OPRM1: variants seen among roughly 807,000 people sequenced by gnomAD.
OPRM1 encodes opioid receptor mu 1.
A neutral mutation model predicts 31.8 loss-of-function variants in OPRM1; 27 were observed. The observed-to-expected ratio is 0.85, with a 90% confidence interval of 0.63 to 1.17. The LOEUF (loss-of-function observed/expected upper bound fraction) is 1.17. Among genes scored for constraint, OPRM1 ranks in the 50% most tolerant of loss-of-function variants. The pLI is 0.00. For synonymous variants in OPRM1, 196 were observed against 189.9 expected, an observed-to-expected ratio of 1.03 and a Z score of -0.26; for missense variants, 536 against 511.1, an observed-to-expected ratio of 1.05 and a Z score of -0.47.
At chr6:154,099,313 A>AAGGAAGGC (rs1450301441) in intron 3 of OPRM1, among the ~76,000 whole-genome samples, 2 of 113,214 alleles carry the variant, frequency 1.8e-5, no homozygotes, top group Non-Finnish European at 3.9e-5. Context: ...GGAAGAAAGG[A>AAGGAAGGC]AGGAAGGAAG....
upstream of OPRM1, chr6:154,039,126 T>A: frequency 6.5e-7 from 1 of 1,534,280 alleles, no homozygotes. Flanking sequence ...ACTCTATCTC[T>A]CTCCCCAACC....
rs1218757474 is a variant in OPRM1 at position 154,168,118 on chromosome 6, T to G, written c.1164+76646T>G. 1 of 1,524,502 alleles carries G rather than the reference T, an allele frequency of 6.6e-7. No individual in the cohort carries two copies. Among genetic ancestry groups the G allele is most frequent in the South Asian group, 1.3e-5 (1 of 77,668 alleles). 94.4% of individuals were successfully genotyped at this position (1,524,502 alleles called of 1,614,324 possible). On this transcript the variant is annotated intron_variant, in intron 3 of 3. Transcript: ENST00000337049. The surrounding 1 kb of genome is among the most constrained non-coding windows in gnomAD (Gnocchi z 4.1). ...CTTCAGACACTTTTGTCTCTTCTATTTGAAAAAAAAAAAGAAAGCAGTAAC... is the reference window on the plus strand; with the variant it reads ...CTTCAGACACTTTTGTCTCTTCTATGTGAAAAAAAAAAAGAAAGCAGTAAC...
Position 154,123,001 on chromosome 6 carries a change from A to AGG in OPRM1, c.*4282_*4283dup, listed in dbSNP as rs1797385779. Among the ~76,000 whole-genome samples the AGG allele has an allele frequency of 6.6e-6, 1 of 152,178 alleles. No individual in the cohort carries two copies. The highest frequency in any genetic ancestry group is 2.1e-4 in the South Asian group (1 of 4,834). On this transcript the variant is annotated 3_prime_UTR_variant, in exon 4 of 4. Transcript: ENST00000330432. Reference sequence around the variant, plus strand: ...AGAAAATTAAGGAGCATGGACACAAAGGGTGAGGTTGGAGCAAAAGTTTAA... The same window carrying AGG: ...AGAAAATTAAGGAGCATGGACACAAAGGGGGTGAGGTTGGAGCAAAAGTTTAA...
chr6:154,208,002 T>G (rs959480434), intron 3 of OPRM1, among the ~76,000 whole-genome samples: 4 of 152,222 alleles, frequency 2.6e-5, no homozygotes, highest in African/African-American at 4.8e-5. Context: ...TCTTTTGCAA[T>G]AGCTTACTGT....
intron 3 of OPRM1, among the ~76,000 whole-genome samples, chr6:154,177,449 A>G (rs1444523861): frequency 6.6e-6 from 1 of 152,208 alleles, no homozygotes; most frequent in African/African-American, 2.4e-5. Context: ...TAAGAAAAAA[A>G]CAAACAACCC....
intron 3 of OPRM1, among the ~76,000 whole-genome samples, chr6:154,109,245 T>C (rs1300831635): frequency 6.6e-6 from 1 of 152,170 alleles, no homozygotes; most frequent in African/African-American, 2.4e-5. Context: ...CTTAAAGCAA[T>C]GTGAATAGGG....
rs772809716 is a variant in OPRM1 at position 154,160,047 on chromosome 6, G to A, written c.1164+68575G>A. The stretch of plus-strand genomic sequence containing the variant: ...CCAGATCATGTTCTTTACACTGTGT[G>A]AGTAGAAAAAAAGGGGAAGGGGGTA... On this transcript the variant is annotated intron_variant, in intron 3 of 3. Transcript: ENST00000337049. The A allele has an allele frequency of 8.8e-6, 14 of 1,598,514 alleles. No homozygotes were observed. The South Asian group carries it at 1.5e-4, about 17-fold the overall frequency.
At chr6:154,086,369 CA>C (rs1790566374) in intron 1 of OPRM1, 3 of 160,984 alleles carry the variant, frequency 1.9e-5, no homozygotes, top group East Asian at 3.8e-4. Context: ...AAAAATTAAA[CA>C]GCATCATTCC....
Position 154,118,702 on chromosome 6 carries a change from A to T in OPRM1, c.1184A>T (p.Glu395Val). The change falls in exon 4 of 4, where the codon GAA becomes GTA. Residue 395 changes from glutamate (E) to valine (V), a missense_variant. By Grantham distance (121) the Glu-to-Val change is moderately radical. Coordinates refer to ENST00000330432, the MANE Select transcript of OPRM1 (RefSeq NM_000914.5). ...TTTCAGCTAGAAAATCTGGAAGCAG[A>T]AACTGCTCCGTTGCCCTAACAGGGT... Reference protein sequence around the residue: ...TNHQLENLEAETAPLP With the variant: ...TNHQLENLEAVTAPLP The T allele has an allele frequency of 6.2e-7, 1 of 1,613,344 alleles. No individual in the cohort carries two copies. The highest frequency in any genetic ancestry group is 8.5e-7 in the Non-Finnish European group (1 of 1,179,568).
chr6:154,235,999 C>T (rs1195546904), intron 3 of OPRM1, among the ~76,000 whole-genome samples: 1 of 152,090 alleles, frequency 6.6e-6, no homozygotes, highest in Non-Finnish European at 1.5e-5. Context: ...AGCATGGTAG[C>T]GCCTCAAAAA....
chr6:154,163,993 G>A (rs187099693), intron 3 of OPRM1, among the ~76,000 whole-genome samples: 84 of 152,298 alleles, frequency 5.5e-4, no homozygotes, highest in Non-Finnish European at 6.3e-4. Flanking sequence ...TTCTTTCTGA[G>A]TTTTCAATAT....
intron 3 of OPRM1, 185 bp downstream of exon 3, chr6:154,091,657 A>C (rs1345146710): frequency 2.6e-5 from 36 of 1,391,812 alleles, no homozygotes; most frequent in Non-Finnish European, 3.3e-5. Context: ...ATTTGACTGT[A>C]CATATTCATT....
rs117958892 is a variant in OPRM1, at chr6:154,080,554, T to C, written c.291-9272T>C. 1.2e-4 allele frequency among the ~76,000 whole-genome samples: 18 copies of C among 152,338 alleles called. No homozygotes were observed. In the East Asian group the frequency reaches 3.5e-3, roughly 29 times the overall value. Reference sequence around the variant, plus strand: ...TTTCTGACGTAGCCTGCAAAGTGCATTCCTATCTTTCCTCCCTGTCTCGCT... The same window carrying C: ...TTTCTGACGTAGCCTGCAAAGTGCACTCCTATCTTTCCTCCCTGTCTCGCT... On this transcript the variant is annotated intron_variant, in intron 1 of 3. Coordinates refer to ENST00000330432, the MANE Select transcript of OPRM1 (RefSeq NM_000914.5).
At chr6:154,161,335 C>T in intron 3 of OPRM1, among the ~76,000 whole-genome samples, 1 of 151,918 alleles carries the variant, frequency 6.6e-6, no homozygotes, top group Non-Finnish European at 1.5e-5. Context: ...ATCAACCTCC[C>T]AAGTAGCTGG....
chr6:154,157,895 T>G (rs1719572056), intron 3 of OPRM1: 1 of 151,944 alleles, frequency 6.6e-6, no homozygotes, highest in African/African-American at 2.4e-5. Context: ...CAGGGTGCAA[T>G]CTGAGGATCT....
At position 154,100,158 on chromosome 6, in the gene OPRM1, C is replaced by T. The variant is rs1420811742; in HGVS notation, c.1164+8686C>T. On this transcript the variant is annotated intron_variant, in intron 3 of 3. Coordinates refer to ENST00000330432, the MANE Select transcript of OPRM1 (RefSeq NM_000914.5). ...TATAATATATATTATCATATTATGACGTATCATAATATATATTATCATATT... is the reference window on the plus strand; with the variant it reads ...TATAATATATATTATCATATTATGATGTATCATAATATATATTATCATATT... Among the ~76,000 whole-genome samples, 130 of 19,204 alleles carry T rather than the reference C, an allele frequency of 6.8e-3. 21 individuals carry two copies. Among genetic ancestry groups the T allele is most frequent in the African/African-American group, 9.0e-3 (55 of 6,132 alleles). 12.6% of individuals were successfully genotyped at this position (19,204 alleles called of 152,430 possible).
intron 3 of OPRM1, among the ~76,000 whole-genome samples, chr6:154,206,637 G>A (rs1283774088): frequency 1.3e-5 from 2 of 152,142 alleles, no homozygotes; most frequent in East Asian, 3.8e-4. Context: ...AACACTATGG[G>A]AATACAGAGA....
At chr6:154,156,044 C>T (rs1337235773) in intron 3 of OPRM1, 2 of 152,146 alleles carry the variant, frequency 1.3e-5, no homozygotes, top group African/African-American at 2.4e-5. Flanking sequence ...GCACATGCCT[C>T]AAAAAGCAAA....
chr6:154,239,379 AAAT>A (rs1780394142), intron 3 of OPRM1, among the ~76,000 whole-genome samples: 1 of 152,260 alleles, frequency 6.6e-6, no homozygotes, highest in African/African-American at 2.4e-5. Flanking sequence ...TATAGACAAT[AAAT>A]AAACTAAATG....
Sources: gnomAD v4.1 joint callset for allele counts (sites outside exome capture counted in the v4.1 genomes callset) on GRCh38, gnomAD v4.1.1 for gene constraint, Gnocchi (gnomAD v3.1) non-coding constraint, MANE v1.5 for transcripts, NCBI Gene and HGNC (gene_info 2026-07-23, HGNC 2026-07-21) for gene names.